Variants in PPARGC1A observed in about 807,000 individuals in gnomAD.
PPARGC1A encodes the protein peroxisome proliferator-activated receptor gamma coactivator 1-alpha.
In PPARGC1A, 25 loss-of-function variants were observed where a neutral mutation model predicts 88.7. That is an observed-to-expected ratio of 0.28 (90% CI 0.21 to 0.39). The LOEUF (loss-of-function observed/expected upper bound fraction) is 0.39. Among genes scored for constraint, PPARGC1A ranks in the 10% least tolerant of loss-of-function variants. The pLI is 1.00. For missense variants in PPARGC1A, 880 were observed against 968.7 expected (o/e 0.91, Z 1.22); for synonymous variants, 363 against 355.6 (o/e 1.02, Z -0.24).
the PPARGC1A span, among the ~76,000 whole-genome samples, chr4:23,940,371 G>A: frequency 6.6e-6 from 1 of 152,196 alleles, no homozygotes; most frequent in African/African-American, 2.4e-5. Flanking sequence ...TAGCTTCAGG[G>A]AAGCTCCAGA....
chr4:24,459,355 G>A, the PPARGC1A span, among the ~76,000 whole-genome samples: 2 of 151,526 alleles, frequency 1.3e-5, no homozygotes. Context: ...CCAAGAATGA[G>A]TTAAAGATTA....
At chr4:24,367,212 G>A in the PPARGC1A span, among the ~76,000 whole-genome samples, 1 of 152,110 alleles carries the variant, frequency 6.6e-6, no homozygotes, top group African/African-American at 2.4e-5. Flanking sequence ...GAAGAAATGG[G>A]GGAGGAGACT....
At chr4:24,070,642 GACCCTAACCCTTTGTTAGCTAGGCCA>G in the PPARGC1A span, among the ~76,000 whole-genome samples, 1 of 152,136 alleles carries the variant, frequency 6.6e-6, no homozygotes, top group Non-Finnish European at 1.5e-5. Flanking sequence ...TTAAATAATA[GACCCTAACCCTTTGTTAGCTAGGCCA>G]ACTGTCAGCA....
chr4:24,083,058 C>G, the PPARGC1A span, among the ~76,000 whole-genome samples: 1 of 152,158 alleles, frequency 6.6e-6, no homozygotes, highest in Non-Finnish European at 1.5e-5. Flanking sequence ...CTAGAACAGG[C>G]AGATGAGGGC....
At chr4:24,187,292 C>G in the PPARGC1A span, among the ~76,000 whole-genome samples, 3 of 152,154 alleles carry the variant, frequency 2.0e-5, no homozygotes, top group African/African-American at 7.2e-5. Context: ...TCATAGCCAT[C>G]AGATGAGGGG....
Position 23,798,227 on chromosome 4 carries a change from C to G in PPARGC1A, c.2294-2302G>C, listed in dbSNP as rs915741803. On this transcript the variant is annotated intron_variant, in intron 12 of 12. Transcript: ENST00000264867. ...GCTCACACAAAGCCTGTTTGGTGGTCTCTTCACATGGACACGCATGAAAAT... is the reference window on the plus strand; with the variant it reads ...GCTCACACAAAGCCTGTTTGGTGGTGTCTTCACATGGACACGCATGAAAAT... Among the ~76,000 whole-genome samples the G allele has an allele frequency of 2.6e-5, 4 of 152,176 alleles. No homozygotes were observed. The East Asian group carries it at 7.7e-4, about 29-fold the overall frequency.
chr4:23,988,266 T>C, the PPARGC1A span, among the ~76,000 whole-genome samples: 2 of 152,108 alleles, frequency 1.3e-5, no homozygotes, highest in Admixed American at 6.6e-5. Flanking sequence ...TCTGTCTTTG[T>C]AGTAGAATGA....
the PPARGC1A span, among the ~76,000 whole-genome samples, chr4:24,248,310 A>T: frequency 6.6e-6 from 1 of 151,998 alleles, no homozygotes; most frequent in African/African-American, 2.4e-5. Context: ...CATTTTTAGT[A>T]GAGACGGAGT....
the PPARGC1A span, among the ~76,000 whole-genome samples, chr4:23,938,434 CTAGA>C: frequency 6.6e-6 from 1 of 152,060 alleles, no homozygotes; most frequent in Admixed American, 6.5e-5. Flanking sequence ...ATATGTTATT[CTAGA>C]TAGTCACCAT....
the PPARGC1A span, among the ~76,000 whole-genome samples, chr4:24,315,377 A>G: frequency 6.6e-6 from 1 of 152,194 alleles, no homozygotes; most frequent in Non-Finnish European, 1.5e-5. Flanking sequence ...CATGAAGGAA[A>G]TGGCCTTTCT....
the PPARGC1A span, among the ~76,000 whole-genome samples, chr4:24,259,661 T>C: frequency 7.2e-5 from 11 of 152,342 alleles, no homozygotes; most frequent in East Asian, 1.2e-3. Flanking sequence ...AGCAATAGTA[T>C]ATACAGGGAA....
the PPARGC1A span, among the ~76,000 whole-genome samples, chr4:24,154,181 T>G: frequency 2.6e-4 from 39 of 152,172 alleles, no homozygotes; most frequent in African/African-American, 9.7e-5. Flanking sequence ...TGCCCTCCCC[T>G]GGCCCTGCAA....
chr4:24,399,819 T>C, the PPARGC1A span, among the ~76,000 whole-genome samples: 1 of 151,568 alleles, frequency 6.6e-6, no homozygotes, highest in African/African-American at 2.4e-5. Context: ...GACAGAGTCT[T>C]ACTCTGTCAC....
At chr4:23,899,158 C>T (rs560886475) in intron 1 of PPARGC1A, 1 of 152,226 alleles carries the variant, frequency 6.6e-6, no homozygotes, top group African/African-American at 2.4e-5. Flanking sequence ...CTGAGGTGGA[C>T]CTTTCTACCA....
At chr4:24,331,830 A>G in the PPARGC1A span, among the ~76,000 whole-genome samples, 9 of 151,862 alleles carry the variant, frequency 5.9e-5, no homozygotes, top group Middle Eastern at 3.4e-3. Context: ...GGTTTGTTAC[A>G]TAAGTATACA....
chr4:24,205,927 G>A, the PPARGC1A span, among the ~76,000 whole-genome samples: 3 of 152,112 alleles, frequency 2.0e-5, no homozygotes, highest in East Asian at 5.8e-4. Context: ...ATTTAAAGTA[G>A]GTTTGGAGGA....
the PPARGC1A span, among the ~76,000 whole-genome samples, chr4:24,121,803 C>T: frequency 6.6e-6 from 1 of 152,180 alleles, no homozygotes; most frequent in African/African-American, 2.4e-5. Context: ...CTGCCTATTG[C>T]AATGATTTCA....
chr4:24,359,542 A>G, the PPARGC1A span, among the ~76,000 whole-genome samples: 3 of 151,856 alleles, frequency 2.0e-5, no homozygotes. Context: ...CCTCAAAAAG[A>G]TATATTCAAG....
the PPARGC1A span, among the ~76,000 whole-genome samples, chr4:24,050,194 C>CTTTTTTTTTTTTTT: frequency 1.6e-5 from 2 of 127,808 alleles, 1 homozygote; most frequent in Non-Finnish European, 3.2e-5. Flanking sequence ...CTTAGGTGAC[C>CTTTTTTTTTTTTTT]TTTTGTTTTT....
Sources: gnomAD v4.1 joint callset for allele counts (sites outside exome capture counted in the v4.1 genomes callset) on GRCh38, gnomAD v4.1.1 for gene constraint, MANE v1.5 for transcripts, NCBI Gene and HGNC (gene_info 2026-07-23, HGNC 2026-07-21) for gene names.